DOCK9: variants seen among roughly 807,000 people sequenced by gnomAD.
DOCK9 encodes the protein dedicator of cytokinesis 9, also known as dedicator of cytokinesis protein 9.
A neutral mutation model predicts 263.3 loss-of-function variants in DOCK9; 89 were observed. The ratio of observed to expected loss-of-function variants is 0.34; its 90% CI spans 0.28 to 0.40. The LOEUF is 0.40. Ranked by LOEUF, DOCK9 falls within the 10% of genes least tolerant of loss-of-function variation. The probability of loss-of-function intolerance (pLI) is 1.00; values close to 1 mark genes in which losing one functional copy is unlikely to be tolerated. For missense variants in DOCK9, 2,140 were observed against 2,603.4 expected (o/e 0.82, Z 3.87); for synonymous variants, 976 against 973.1 (o/e 1.00, Z -0.06).
At chr13:98,862,976 G>C in intron 32 of DOCK9, 43 bp downstream of exon 32, 1 of 1,527,362 alleles carries the variant, frequency 6.5e-7, no homozygotes. Context: ...TGGCTTCCCC[G>C]GGACCTGATA....
At chr13:98,994,329 T>C (rs966379163) in intron 1 of DOCK9, among the ~76,000 whole-genome samples, 9 of 152,238 alleles carry the variant, frequency 5.9e-5, no homozygotes, top group African/African-American at 1.9e-4. Flanking sequence ...GCAGGGAATG[T>C]GGCACTATCT....
intron 1 of DOCK9, among the ~76,000 whole-genome samples, chr13:99,042,451 T>C (rs1203853800): frequency 6.6e-6 from 1 of 152,186 alleles, no homozygotes; most frequent in Admixed American, 6.5e-5. Flanking sequence ...GATTTCTAAA[T>C]GGGGGACGTG....
At chr13:98,824,690 C>A (rs1490644527) in intron 44 of DOCK9, among the ~76,000 whole-genome samples, 186 bp from the exon 45 acceptor site, 3 of 152,114 alleles carry the variant, frequency 2.0e-5, no homozygotes, top group Non-Finnish European at 4.4e-5. Flanking sequence ...CTATAGTGAA[C>A]CCTAACCTCT....
intron 15 of DOCK9, among the ~76,000 whole-genome samples, chr13:98,897,116 G>A (rs1405250591): frequency 6.6e-6 from 1 of 151,588 alleles, no homozygotes; most frequent in African/African-American, 2.4e-5. Flanking sequence ...CCAAGACCCA[G>A]TCATCGTATC....
At position 98,849,422 on chromosome 13, in the gene DOCK9, T is replaced by A. The variant is rs370505630; in HGVS notation, c.4013+625A>T. Among the ~76,000 whole-genome samples, 214 of 138,420 alleles carry A rather than the reference T, an allele frequency of 1.5e-3. 6 individuals are homozygous for A. In the South Asian group the frequency reaches 0.045, roughly 29 times the overall value. The allele number at this position is 138,420 out of a possible 152,430, so 90.8% of individuals were successfully genotyped here. A position where few individuals can be genotyped will look rare whatever the true frequency, so the allele number is the denominator to read the frequency against. On this transcript the variant is annotated intron_variant, in intron 36 of 52. Coordinates refer to ENST00000682017, the MANE Select transcript of DOCK9 (RefSeq NM_001366683.2). ...TTCAATTATTATGAACAATAATAGT[T>A]CTGCAGAAATTCTTTTTTTTTTTTT...
intron 45 of DOCK9, among the ~76,000 whole-genome samples, chr13:98,818,317 T>C (rs2092038376): frequency 6.6e-6 from 1 of 152,282 alleles, no homozygotes; most frequent in East Asian, 1.9e-4. Flanking sequence ...AATACAAAAT[T>C]ATTCAGTCAC....
intron 9 of DOCK9, among the ~76,000 whole-genome samples, chr13:98,909,110 G>A (rs1222508562): frequency 1.3e-5 from 2 of 152,146 alleles, no homozygotes; most frequent in Non-Finnish European, 2.9e-5. Context: ...TCTGGGTTTC[G>A]TGGAGAGGAG....
intron 1 of DOCK9, among the ~76,000 whole-genome samples, chr13:99,078,923 T>C (rs1380019559): frequency 6.6e-6 from 1 of 152,102 alleles, no homozygotes; most frequent in Non-Finnish European, 1.5e-5. Flanking sequence ...TCACCCCACA[T>C]CCAGAGAACC....
At position 98,930,241 on chromosome 13, in the gene DOCK9, C is replaced by A; in HGVS notation, c.260G>T (p.Arg87Leu). 1 of 1,610,808 alleles carries A rather than the reference C, an allele frequency of 6.2e-7. No individual in the cohort carries two copies. Among genetic ancestry groups the A allele is most frequent in the East Asian group, 2.2e-5 (1 of 44,836 alleles). Reference sequence around the variant, plus strand: ...TGTTGAGCATATGTATCGACCCTGTCGTCTCAGGATGGCCGTCTGGAAACA... The same window carrying A: ...TGTTGAGCATATGTATCGACCCTGTAGTCTCAGGATGGCCGTCTGGAAACA... ...YDDFQTAILR[R>L]QGRYICSTVP... is the part of the protein sequence containing the mutation. The change falls in exon 3 of 53, where the codon CGA becomes CTA. Residue 87 changes from arginine (R) to leucine (L), a missense_variant. Transcript: ENST00000682017.
At chr13:99,054,243 C>T (rs1487034588) in intron 1 of DOCK9, among the ~76,000 whole-genome samples, 1 of 152,144 alleles carries the variant, frequency 6.6e-6, no homozygotes, top group Non-Finnish European at 1.5e-5. Flanking sequence ...CAGCCTTGGT[C>T]TAGAGTAATT....
chr13:98,906,965 A>T (rs2049208811), intron 9 of DOCK9, among the ~76,000 whole-genome samples: 1 of 152,152 alleles, frequency 6.6e-6, no homozygotes, highest in Non-Finnish European at 1.5e-5. Flanking sequence ...TGGGAGCCTG[A>T]AGGCTATGGA....
rs576611288 is a variant in DOCK9, at chr13:99,051,567, C to T, written c.129+34656G>A. ...TCAATACCCAGAACTTAAGGTTATC[C>T]GAATGCTCTAAAGGTCATTCGCTGA... is the stretch of plus-strand genomic sequence containing the variant. On this transcript the variant is annotated intron_variant, in intron 1 of 32. Coordinates refer to the DOCK9 transcript ENST00000427887. Among the ~76,000 whole-genome samples, 13 of 152,050 alleles carry T rather than the reference C, an allele frequency of 8.5e-5. No individual in the cohort carries two copies. In the South Asian group the frequency reaches 2.1e-3, roughly 24 times the overall value.
At chr13:98,816,696 C>T (rs1419351703) in intron 45 of DOCK9, among the ~76,000 whole-genome samples, 1 of 145,858 alleles carries the variant, frequency 6.9e-6, no homozygotes, top group Non-Finnish European at 1.5e-5. Flanking sequence ...CTGGCTGGGT[C>T]TGAAAAGAGG....
rs777442315 is a variant in DOCK9 at position 98,989,346 on chromosome 13, GATAATAATA to G, written c.130-33804_130-33796del. Among the ~76,000 whole-genome samples the G allele has an allele frequency of 3.7e-3, 223 of 60,062 alleles. 1 individual carries two copies. Among genetic ancestry groups the G allele is most frequent in the African/African-American group, 0.01 (209 of 20,832 alleles). The allele number at this position is 60,062 out of a possible 152,430, so 39.4% of individuals were successfully genotyped here. On this transcript the variant is annotated intron_variant, in intron 1 of 32. Coordinates refer to the DOCK9 transcript ENST00000427887. ...TGATGATGATGATGATGATGATGAT[GATAATAATA>G]ATAATAATAATAATAATAATAATGA...
chr13:98,849,757 C>T (rs991170378), intron 36 of DOCK9, among the ~76,000 whole-genome samples: 9 of 152,156 alleles, frequency 5.9e-5, no homozygotes, highest in African/African-American at 2.2e-4. Context: ...AGTATCTACC[C>T]AATTCAGCTA....
chr13:98,976,079 T>C (rs1043072637), intron 1 of DOCK9, among the ~76,000 whole-genome samples: 52 of 152,376 alleles, frequency 3.4e-4, no homozygotes, highest in African/African-American at 1.2e-3. Context: ...CTTCTTATCT[T>C]GTTTACCCTG....
At chr13:98,828,068 G>A (rs543379972) in intron 43 of DOCK9, among the ~76,000 whole-genome samples, 20 of 152,258 alleles carry the variant, frequency 1.3e-4, no homozygotes, top group Non-Finnish European at 2.4e-4. Context: ...ATGCGACCAC[G>A]GAGGCAGGAA....
chr13:99,073,777 T>C (rs1208671766), intron 1 of DOCK9, among the ~76,000 whole-genome samples: 1 of 152,256 alleles, frequency 6.6e-6, no homozygotes, highest in Admixed American at 6.5e-5. Flanking sequence ...TTAATCTGTA[T>C]TAAAACCCTG....
intron 1 of DOCK9, among the ~76,000 whole-genome samples, chr13:99,038,594 C>T (rs1487669491): frequency 6.6e-6 from 1 of 152,114 alleles, no homozygotes. Flanking sequence ...GCATGAGCCA[C>T]CACGTCCGGC....
Sources: gnomAD v4.1 joint callset for allele counts (sites outside exome capture counted in the v4.1 genomes callset) on GRCh38, gnomAD v4.1.1 for gene constraint, MANE v1.5 for transcripts, NCBI Gene and HGNC (gene_info 2026-07-23, HGNC 2026-07-21) for gene names.